TENM1: variants seen among roughly 807,000 people sequenced by gnomAD.
The protein encoded by TENM1 is teneurin transmembrane protein 1.
In TENM1, 35 loss-of-function variants were observed where a neutral mutation model predicts 174.8. That is an observed-to-expected ratio of 0.20 (90% CI 0.15 to 0.27). The LOEUF (loss-of-function observed/expected upper bound fraction) is 0.27, where lower values mean the gene tolerates loss of function less well. TENM1 is among the 10% of genes least tolerant of loss of function. The probability of loss-of-function intolerance (pLI) is 1.00; values close to 1 mark genes in which losing one functional copy is unlikely to be tolerated. For synonymous variants in TENM1, 781 were observed against 798.7 expected (o/e 0.98, Z 0.37); for missense variants, 1,633 against 2,130.1 (o/e 0.77, Z 4.59).
chrX:124,642,011 G>C lies in TENM1; in HGVS notation c.1877-20C>G, dbSNP rs368461215. ...AGTCCTCTGAAGGCACAAAAAAGTG[G>C]GGGGGAGGGGTGATTAATAGTGAAC... On this transcript the variant is annotated intron_variant, in intron 10 of 31. Coordinates refer to ENST00000422452, the Ensembl canonical transcript of TENM1. 24 of 1,157,213 alleles carry C rather than the reference G, an allele frequency of 2.1e-5. No homozygotes were observed. In the Admixed American group the frequency reaches 2.8e-4, roughly 14 times the overall value.
At chrX:125,025,684 C>T in the TENM1 span, among the ~76,000 whole-genome samples, 1 of 110,845 alleles carries the variant, frequency 9.0e-6, no homozygotes, top group East Asian at 2.8e-4. Flanking sequence ...AAATTAGTGA[C>T]CGGGGAAGAA....
the TENM1 span, among the ~76,000 whole-genome samples, chrX:125,056,815 T>G: frequency 8.9e-6 from 1 of 112,017 alleles, no homozygotes; most frequent in East Asian, 2.8e-4. Context: ...AAAACCTCAT[T>G]GATAATTATC....
chrX:125,084,065 G>A, the TENM1 span, among the ~76,000 whole-genome samples: 5 of 111,390 alleles, frequency 4.5e-5, no homozygotes, highest in African/African-American at 6.5e-5. Flanking sequence ...AGACAGGAAG[G>A]ATTTTGCTCA....
At chrX:125,020,171 T>C in the TENM1 span, among the ~76,000 whole-genome samples, 1 of 111,145 alleles carries the variant, frequency 9.0e-6, no homozygotes, top group Non-Finnish European at 1.9e-5. Context: ...ACTCTGTTTA[T>C]CACATAGAAT....
intron 11 of TENM1, among the ~76,000 whole-genome samples, chrX:124,628,449 AAATT>A (rs1193047489): frequency 2.7e-5 from 3 of 111,228 alleles, no homozygotes; most frequent in Non-Finnish European, 5.7e-5. Context: ...AAAATTATTA[AAATT>A]AATTTAAATA....
the TENM1 span, among the ~76,000 whole-genome samples, chrX:125,036,332 CA>C: frequency 8.9e-6 from 1 of 111,742 alleles, no homozygotes; most frequent in East Asian, 2.8e-4. Flanking sequence ...CTAAATAAAG[CA>C]TCGTGGCTTT....
chrX:125,195,488 C>T, the TENM1 span, among the ~76,000 whole-genome samples: 1 of 112,060 alleles, frequency 8.9e-6, no homozygotes, highest in East Asian at 2.8e-4. Flanking sequence ...AATTACCTCA[C>T]TTTCACAAGT....
chrX:124,567,798 A>G (rs1221336615), intron 11 of TENM1, among the ~76,000 whole-genome samples: 1 of 111,822 alleles, frequency 8.9e-6, no homozygotes. Context: ...TAAGGCTGAT[A>G]TTATCATTCT....
At chrX:125,191,967 C>T in the TENM1 span, among the ~76,000 whole-genome samples, 4 of 108,594 alleles carry the variant, frequency 3.7e-5, no homozygotes, top group Non-Finnish European at 3.8e-5. Context: ...GCCCTTTCAA[C>T]TTCCACCATG....
chrX:124,655,853 TGAAA>T (rs949891106), intron 6 of TENM1, among the ~76,000 whole-genome samples: 11 of 112,189 alleles, frequency 9.8e-5, no homozygotes, highest in African/African-American at 3.6e-4. Flanking sequence ...TATTTTTCAC[TGAAA>T]GTTACTTTTT....
chrX:125,028,543 G>A, the TENM1 span, among the ~76,000 whole-genome samples: 7 of 111,423 alleles, frequency 6.3e-5, no homozygotes, highest in Non-Finnish European at 1.3e-4. Flanking sequence ...AGTGGAGGGT[G>A]GAAGAAGGAA....
At chrX:124,921,198 C>T (rs1331675004) in intron 1 of TENM1, among the ~76,000 whole-genome samples, 1 of 109,039 alleles carries the variant, frequency 9.2e-6, no homozygotes. Flanking sequence ...AGAAATTACC[C>T]CCCCAAATTC....
intron 11 of TENM1, among the ~76,000 whole-genome samples, chrX:124,567,266 A>T (rs1260992552): frequency 2.7e-5 from 3 of 111,686 alleles, no homozygotes; most frequent in Non-Finnish European, 5.6e-5. Flanking sequence ...ATTTAAAGGC[A>T]TGGAAATAAC....
intron 3 of TENM1, among the ~76,000 whole-genome samples, chrX:124,744,788 T>C (rs2053877341): frequency 8.9e-6 from 1 of 111,911 alleles, no homozygotes; most frequent in African/African-American, 3.2e-5. Context: ...TAATAAGAGA[T>C]ATCCTGAACA....
At chrX:124,803,404 A>G (rs749847394) in intron 3 of TENM1, among the ~76,000 whole-genome samples, 4 of 111,458 alleles carry the variant, frequency 3.6e-5, no homozygotes, top group South Asian at 7.6e-4. Context: ...AAGCGCTCTT[A>G]TCTCTTGCTG....
the TENM1 span, among the ~76,000 whole-genome samples, chrX:125,175,886 T>C: frequency 8.9e-6 from 1 of 112,203 alleles, no homozygotes; most frequent in East Asian, 2.8e-4. Context: ...AAGAATTTGG[T>C]ATTCATAGTT....
intron 5 of TENM1, among the ~76,000 whole-genome samples, chrX:124,694,702 A>G (rs927511410): frequency 2.7e-5 from 3 of 112,196 alleles, no homozygotes; most frequent in African/African-American, 9.7e-5. Flanking sequence ...GGTATGAAAT[A>G]TAATTTTACT....
chrX:124,893,450 GTTTGGAAA>G (rs1397309527), intron 3 of TENM1, among the ~76,000 whole-genome samples: 1 of 112,544 alleles, frequency 8.9e-6, no homozygotes, highest in Admixed American at 9.4e-5. Flanking sequence ...TGAAAAGTGT[GTTTGGAAA>G]TTTTGAAATG....
At chrX:125,186,495 G>A in the TENM1 span, among the ~76,000 whole-genome samples, 1 of 110,240 alleles carries the variant, frequency 9.1e-6, no homozygotes, top group East Asian at 2.9e-4. Context: ...TTAGATCATG[G>A]GAGTAGATCC....
Sources: allele counts gnomAD v4.1 joint callset (sites outside exome capture counted in the v4.1 genomes callset), GRCh38; gene constraint gnomAD v4.1.1; transcripts MANE v1.5; gene names NCBI Gene and HGNC (gene_info 2026-07-23, HGNC 2026-07-21).